Variants in DMC1 observed in about 807,000 individuals in gnomAD.
The protein encoded by DMC1 is DNA meiotic recombinase 1, also known as meiotic recombination protein DMC1 homolog.
A neutral mutation model predicts 50.1 loss-of-function variants in DMC1; 27 were observed. That is an observed-to-expected ratio of 0.54 (90% CI 0.40 to 0.74). The LOEUF (loss-of-function observed/expected upper bound fraction) is 0.74. Among genes scored for constraint, DMC1 ranks in the 30% least tolerant of loss-of-function variants. The pLI, the probability that DMC1 is intolerant of heterozygous loss-of-function variation, is 0.00. For synonymous variants in DMC1, 148 were observed against 136.1 expected (o/e 1.09, Z -0.61); for missense variants, 295 against 420.2 (o/e 0.70, Z 2.60).
intron 12 of DMC1, among the ~76,000 whole-genome samples, chr22:38,536,701 C>T (rs1204583961): frequency 2.0e-5 from 3 of 152,118 alleles, no homozygotes; most frequent in African/African-American, 7.2e-5. Flanking sequence ...TTATTGTCCT[C>T]CCATACCCCT....
intron 13 of DMC1, 53 bp downstream of exon 13, chr22:38,521,555 A>G (rs1157322677): frequency 1.2e-5 from 11 of 919,624 alleles, no homozygotes; most frequent in Non-Finnish European, 1.6e-5. Flanking sequence ...ACACACACAC[A>G]CACACACACA....
downstream of DMC1, among the ~76,000 whole-genome samples, chr22:38,514,757 G>A (rs578187357): frequency 3.9e-5 from 6 of 152,206 alleles, no homozygotes; most frequent in South Asian, 1.0e-3. Context: ...ATGCCATGAC[G>A]TCAGGAAGTT....
chr22:38,546,674 G>A (rs1037595652), intron 8 of DMC1, among the ~76,000 whole-genome samples: 2 of 152,108 alleles, frequency 1.3e-5, no homozygotes, highest in Admixed American at 6.6e-5. Context: ...TCTATAATAG[G>A]TCAAGAAGGA....
chr22:38,557,956 CTTTTTTTTTTTTTTTT>C (rs753724944), intron 5 of DMC1, among the ~76,000 whole-genome samples: 1 of 62,696 alleles, frequency 1.6e-5, no homozygotes, highest in East Asian at 5.4e-4. Context: ...AGACAAAGTT[CTTTTTTTTTTTTTTTT>C]TTTTTTTTGA....
At chr22:38,539,465 A>C in intron 8 of DMC1, 53 bp from the exon 9 acceptor site, 1 of 1,336,562 alleles carries the variant, frequency 7.5e-7, no homozygotes. Context: ...AAAAGTTTAG[A>C]CAACCACTAC....
intron 5 of DMC1, among the ~76,000 whole-genome samples, chr22:38,561,864 A>C (rs992978276): frequency 6.6e-6 from 1 of 152,214 alleles, no homozygotes; most frequent in African/African-American, 2.4e-5. Flanking sequence ...ATCATAAAAG[A>C]GTAAATAAAA....
chr22:38,562,353 G>T lies in DMC1; in HGVS notation c.260C>A (p.Thr87Asn). Residue 87 changes from threonine to asparagine, a missense_variant, in exon 5 of 14, where the codon ACT becomes AAT. Coordinates refer to ENST00000216024, the MANE Select transcript of DMC1 (RefSeq NM_007068.4). ...ANKLIEPGFL[T>N]AFEYSEKRKM... ...CCTCTTTTCACTATACTCAAATGCA[G>T]TCAAGAATCCTGGTTCCTACAGAAA... 6.2e-7 allele frequency: 1 copy of T among 1,610,666 alleles called. No individual in the cohort carries two copies. The highest frequency in any genetic ancestry group is 8.5e-7 in the Non-Finnish European group (1 of 1,177,278).
downstream of DMC1, chr22:38,518,873 A>G (rs192621487): frequency 6.6e-6 from 1 of 152,304 alleles, no homozygotes; most frequent in Admixed American, 6.6e-5. Context: ...TAAAGTCTAT[A>G]AAGATTGAAG....
chr22:38,555,734 A>G (rs986337544), intron 5 of DMC1, among the ~76,000 whole-genome samples: 1 of 152,066 alleles, frequency 6.6e-6, no homozygotes, highest in Non-Finnish European at 1.5e-5. Flanking sequence ...TTATTTTAAG[A>G]AAAAACTTAA....
intron 12 of DMC1, among the ~76,000 whole-genome samples, chr22:38,528,422 T>C (rs2090119389): frequency 6.6e-6 from 1 of 152,024 alleles, no homozygotes; most frequent in Non-Finnish European, 1.5e-5. Flanking sequence ...ACCTGTTCAC[T>C]TACATACATT....
chr22:38,524,285 G>A lies in DMC1; in HGVS notation c.837-2561C>T, dbSNP rs551342320. ...AAAAATTAGCTGGGTGTGGTGGCGT[G>A]CACCTGCAGTCCCAGCTACTCAGGA... On this transcript the variant is annotated intron_variant, in intron 12 of 13. Transcript: ENST00000216024. Among the ~76,000 whole-genome samples, 29 of 152,118 alleles carry A rather than the reference G, an allele frequency of 1.9e-4. No individual in the cohort carries two copies. The South Asian group carries it at 6.0e-3, about 32-fold the overall frequency.
At position 38,558,878 on chromosome 22, in the gene DMC1, T is replaced by C. The variant is rs561093465; in HGVS notation, c.326+3409A>G. Among the ~76,000 whole-genome samples, 58 of 152,284 alleles carry C rather than the reference T, an allele frequency of 3.8e-4. 1 individual carries two copies. The South Asian group carries it at 0.011, about 30-fold the overall frequency. On this transcript the variant is annotated intron_variant, in intron 5 of 13. Transcript: ENST00000216024. Reference sequence around the variant, plus strand: ...GTAGAGTAACTAAAGAAAATCAGATTGTCATTTGAATCAAGTGTTTTGTTG... The same window carrying C: ...GTAGAGTAACTAAAGAAAATCAGATCGTCATTTGAATCAAGTGTTTTGTTG...
At chr22:38,556,163 G>A (rs1479556079) in intron 5 of DMC1, among the ~76,000 whole-genome samples, 1 of 152,086 alleles carries the variant, frequency 6.6e-6, no homozygotes, top group East Asian at 1.9e-4. Flanking sequence ...ATTTAATATT[G>A]TGCTGGAACT....
intron 12 of DMC1, among the ~76,000 whole-genome samples, chr22:38,524,378 G>A (rs1424349049): frequency 6.6e-6 from 1 of 151,784 alleles, no homozygotes; most frequent in Non-Finnish European, 1.5e-5. Context: ...CGCCACCGGT[G>A]GCCCTCCAGC....
intron 12 of DMC1, among the ~76,000 whole-genome samples, chr22:38,527,719 A>G (rs2090108428): frequency 2.0e-5 from 3 of 151,642 alleles, no homozygotes; most frequent in Non-Finnish European, 4.4e-5. Flanking sequence ...GGGTTTTGCC[A>G]TGTTAGTCAG....
downstream of DMC1, among the ~76,000 whole-genome samples, chr22:38,518,731 C>A (rs1211143407): frequency 6.6e-6 from 1 of 151,902 alleles, no homozygotes; most frequent in African/African-American, 2.4e-5. Flanking sequence ...GGGGTTTTGC[C>A]ATATTGCCCA....
chr22:38,543,287 T>G (rs2090306910), intron 8 of DMC1, among the ~76,000 whole-genome samples: 1 of 150,316 alleles, frequency 6.7e-6, no homozygotes, highest in African/African-American at 2.4e-5. Flanking sequence ...TGGAGTGCAA[T>G]GGCATGATCT....
chr22:38,530,298 A>C (rs2090139574), intron 12 of DMC1, among the ~76,000 whole-genome samples: 1 of 152,052 alleles, frequency 6.6e-6, no homozygotes, highest in Admixed American at 6.6e-5. Flanking sequence ...GATGGGGGAA[A>C]GGGGAGTACC....
chr22:38,532,034 A>T (rs1399179208), intron 12 of DMC1, among the ~76,000 whole-genome samples: 3 of 152,214 alleles, frequency 2.0e-5, no homozygotes, highest in Non-Finnish European at 2.9e-5. Flanking sequence ...CGACACCTGA[A>T]GAAAGAACAT....
Sources: gnomAD v4.1 joint callset for allele counts (sites outside exome capture counted in the v4.1 genomes callset) on GRCh38, gnomAD v4.1.1 for gene constraint, MANE v1.5 for transcripts, NCBI Gene and HGNC (gene_info 2026-07-23, HGNC 2026-07-21) for gene names.